The following CYP2C18 variants were observed in gnomAD, a reference collection of about 807,000 sequenced individuals.
CYP2C18 encodes the protein cytochrome P450 2C18.
CYP2C18 carries 38 observed loss-of-function variants against 41.3 expected under a neutral mutation model. The observed-to-expected ratio is 0.92, with a 90% CI of 0.71 to 1.21. CYP2C18 has a LOEUF of 1.21. CYP2C18 is among the 50% of genes most tolerant of loss of function. The probability of loss-of-function intolerance (pLI) is 0.00; values close to 1 mark genes in which losing one functional copy is unlikely to be tolerated. For missense variants in CYP2C18, 635 were observed against 591.4 expected (o/e 1.07, Z -0.77); for synonymous variants, 236 against 210.0 (o/e 1.12, Z -1.07).
intron 7 of CYP2C18, among the ~76,000 whole-genome samples, chr10:94,726,190 A>AC (rs1847737792): frequency 7.1e-6 from 1 of 141,564 alleles, no homozygotes; most frequent in East Asian, 2.3e-4. Flanking sequence ...GTCAAAAAAA[A>AC]TTTTTTTTCA....
intron 5 of CYP2C18, among the ~76,000 whole-genome samples, chr10:94,707,669 A>G (rs1847367272): frequency 6.6e-6 from 1 of 152,196 alleles, no homozygotes; most frequent in Admixed American, 6.5e-5. Flanking sequence ...TTGCTACAAG[A>G]CATTTCATAT....
Position 94,695,048 on chromosome 10 carries a change from C to T in CYP2C18, c.613C>T (p.Leu205Phe), listed in dbSNP as rs267602628. ...LNLMEKFNEN[L>F]RILSSPWIQV... ...CTTGATGGAAAAATTCAATGAAAAC[C>T]TCAGGATTCTGAGCTCTCCATGGAT... The change falls in exon 4 of 9, where the codon CTC becomes TTC. Residue 205 changes from leucine to phenylalanine, a missense_variant. Transcript: ENST00000285979. The T allele has an allele frequency of 6.2e-7, 1 of 1,612,688 alleles. No individual in the cohort carries two copies.
chr10:94,728,333 C>G (rs769108039), intron 7 of CYP2C18, among the ~76,000 whole-genome samples: 1 of 151,924 alleles, frequency 6.6e-6, no homozygotes, highest in Non-Finnish European at 1.5e-5. Flanking sequence ...ATTTTGTAAG[C>G]CTGTATCTGC....
chr10:94,695,310 A>T (rs777720208), intron 4 of CYP2C18, among the ~76,000 whole-genome samples: 9 of 151,956 alleles, frequency 5.9e-5, no homozygotes, highest in Non-Finnish European at 7.4e-5. Context: ...ATCACCCAAC[A>T]GGCCCTGGTG....
rs1847628587 is a variant in CYP2C18 at position 94,720,490 on chromosome 10, C to G, written c.914C>G (p.Thr305Ser). Reference protein sequence around the residue: ...FGAGTETTSTTLRYGLLLLLK... With the variant: ...FGAGTETTSTSLRYGLLLLLK... ...GCTGGAACAGAGACAACGAGCACCA[C>G]TCTGAGATATGGACTCCTGCTCCTG... Residue 305 changes from threonine to serine, a missense_variant, in exon 6 of 9, where the codon ACT (threonine) becomes AGT (serine). Coordinates refer to ENST00000285979, the MANE Select transcript of CYP2C18 (RefSeq NM_000772.3). The G allele has an allele frequency of 6.2e-7, 1 of 1,613,442 alleles. No homozygotes were observed. Among genetic ancestry groups the G allele is most frequent in the Non-Finnish European group, 8.5e-7 (1 of 1,179,560 alleles).
At chr10:94,712,388 C>G (rs556125148) in intron 5 of CYP2C18, among the ~76,000 whole-genome samples, 2 of 151,860 alleles carry the variant, frequency 1.3e-5, no homozygotes, top group East Asian at 3.9e-4. Flanking sequence ...ATTCTACTCT[C>G]TTCTATGAGT....
At chr10:94,732,518 A>T (rs190346218) in intron 7 of CYP2C18, among the ~76,000 whole-genome samples, 1 of 152,300 alleles carries the variant, frequency 6.6e-6, no homozygotes, top group African/African-American at 2.4e-5. Context: ...AGACATGTGA[A>T]CTTGTATATT....
chr10:94,704,139 C>A, intron 4 of CYP2C18, among the ~76,000 whole-genome samples: 1 of 152,140 alleles, frequency 6.6e-6, no homozygotes, highest in East Asian at 1.9e-4. Flanking sequence ...CTGCATTGGT[C>A]TCGTTGGGAA....
intron 5 of CYP2C18, among the ~76,000 whole-genome samples, chr10:94,715,152 C>G (rs1847516329): frequency 6.6e-6 from 1 of 152,128 alleles, no homozygotes; most frequent in South Asian, 2.1e-4. Context: ...TCCTCTTTTC[C>G]TAATTGAATA....
chr10:94,727,079 A>G (rs1268819070), intron 7 of CYP2C18, among the ~76,000 whole-genome samples: 1 of 152,164 alleles, frequency 6.6e-6, no homozygotes, highest in Admixed American at 6.6e-5. Flanking sequence ...ATTACTTTAA[A>G]TTTAAATACA....
At chr10:94,691,126 CCT>C (rs1564637676) in intron 3 of CYP2C18, among the ~76,000 whole-genome samples, 2 of 152,120 alleles carry the variant, frequency 1.3e-5, no homozygotes, top group African/African-American at 4.8e-5. Flanking sequence ...ACAAGGATGC[CCT>C]CTCTCACCAC....
At chr10:94,707,028 GT>G (rs1180820413) in intron 5 of CYP2C18, 68 bp downstream of exon 5, 1 of 1,404,916 alleles carries the variant, frequency 7.1e-7, no homozygotes, top group African/African-American at 1.4e-5. Flanking sequence ...TGCTTAAATA[GT>G]GAGGCAAGAA....
intron 6 of CYP2C18, 52 bp from the exon 7 acceptor site, chr10:94,724,294 C>A: frequency 6.3e-7 from 1 of 1,579,848 alleles, no homozygotes; most frequent in Non-Finnish European, 8.7e-7. Context: ...ATTGCTACAA[C>A]AAATGTGCCA....
At chr10:94,705,048 T>C (rs754991047) in intron 4 of CYP2C18, among the ~76,000 whole-genome samples, 1 of 152,050 alleles carries the variant, frequency 6.6e-6, no homozygotes, top group Non-Finnish European at 1.5e-5. Flanking sequence ...CCTCTGTAAA[T>C]AGGAACCAGG....
chr10:94,715,992 T>C (rs1847535315), intron 5 of CYP2C18, among the ~76,000 whole-genome samples: 1 of 152,238 alleles, frequency 6.6e-6, no homozygotes, highest in African/African-American at 2.4e-5. Flanking sequence ...TAGTATGCTC[T>C]GATGGTAGTT....
intron 5 of CYP2C18, 121 bp from the exon 6 acceptor site, chr10:94,720,275 C>G: frequency 3.9e-6 from 3 of 778,282 alleles, no homozygotes; most frequent in Non-Finnish European, 6.0e-6. Context: ...AGTTTTAATA[C>G]TGCACTCTGT....
intron 5 of CYP2C18, among the ~76,000 whole-genome samples, chr10:94,719,152 A>C (rs528238780): frequency 6.6e-6 from 1 of 152,274 alleles, no homozygotes; most frequent in African/African-American, 2.4e-5. Flanking sequence ...GACACTGAGA[A>C]TTGCAAACCC....
At chr10:94,728,136 T>C (rs1477055235) in intron 7 of CYP2C18, among the ~76,000 whole-genome samples, 1 of 152,160 alleles carries the variant, frequency 6.6e-6, no homozygotes, top group African/African-American at 2.4e-5. Context: ...AACAGTTTTT[T>C]TTAGTTTGTT....
intron 4 of CYP2C18, among the ~76,000 whole-genome samples, chr10:94,703,228 G>A (rs1425426146): frequency 2.6e-5 from 4 of 152,222 alleles, no homozygotes; most frequent in Non-Finnish European, 5.9e-5. Context: ...ACCCACTTGA[G>A]GAGGCAGTCT....
Sources: gnomAD v4.1 joint callset for allele counts (sites outside exome capture counted in the v4.1 genomes callset) on GRCh38, gnomAD v4.1.1 for gene constraint, MANE v1.5 for transcripts, NCBI Gene and HGNC (gene_info 2026-07-23, HGNC 2026-07-21) for gene names.